The following SFRP2 variants were observed in gnomAD, a reference collection of about 807,000 sequenced individuals.
SFRP2 encodes the protein secreted frizzled related protein 2.
A neutral mutation model predicts 26.0 loss-of-function variants in SFRP2; 16 were observed. The ratio of observed to expected loss-of-function variants is 0.61; its 90% CI spans 0.42 to 0.93. SFRP2 has a LOEUF of 0.93. SFRP2 is among the 40% of genes least tolerant of loss of function. The probability of loss-of-function intolerance (pLI) is 0.00; values close to 1 mark genes in which losing one functional copy is unlikely to be tolerated. For missense variants in SFRP2, 343 were observed against 392.4 expected (o/e 0.87, Z 1.06); for synonymous variants, 173 against 167.3 (o/e 1.03, Z -0.26).
rs759366315 is a variant in SFRP2, at chr4:153,788,379, T to A, written c.457A>T (p.Ile153Phe). The A allele has an allele frequency of 7.4e-6, 12 of 1,613,332 alleles. No individual in the cohort carries two copies. Among genetic ancestry groups the A allele is most frequent in the Non-Finnish European group, 4.2e-6 (5 of 1,179,938 alleles). ...DRFPQDNDLCIPLASSDHLLP... is the reference protein window; with the variant it reads ...DRFPQDNDLCFPLASSDHLLP... ...AGGTGGTCGCTGCTAGCGAGGGGGA[T>A]GCAAAGGTCGTTGTCCTGGGGGAAA... Residue 153 changes from isoleucine (I) to phenylalanine (F), a missense_variant, in exon 1 of 3, where the codon ATC becomes TTC. Ile to Phe is a conservative substitution (Grantham distance 21). This residue lies in a region of SFRP2 where 251 missense variants were observed against 253.3 expected (regional missense o/e 0.99). Coordinates refer to ENST00000274063, the MANE Select transcript of SFRP2 (RefSeq NM_003013.3).
At position 153,785,847 on chromosome 4, in the gene SFRP2, G is replaced by C; in HGVS notation, c.583+17C>G. On this transcript the variant is annotated intron_variant, in intron 2 of 2. Coordinates refer to ENST00000274063, the MANE Select transcript of SFRP2 (RefSeq NM_003013.3). ...ACTTCTGAATGTGAAATCTGTTGTT[G>C]TTGTTGTATTACTTACCAAAATCAT... is the stretch of plus-strand genomic sequence containing the variant. The C allele has an allele frequency of 2.0e-6, 3 of 1,463,710 alleles. No homozygotes were observed. The highest frequency in any genetic ancestry group is 2.5e-5 in the South Asian group (2 of 81,432). 90.7% of individuals were successfully genotyped at this position (1,463,710 alleles called of 1,614,324 possible). A position where few individuals can be genotyped will look rare whatever the true frequency, so the allele number is the denominator to read the frequency against.
At chr4:153,783,136 A>G (rs1259168294) in intron 2 of SFRP2, among the ~76,000 whole-genome samples, 1 of 152,192 alleles carries the variant, frequency 6.6e-6, no homozygotes, top group African/African-American at 2.4e-5. Flanking sequence ...GAACTGTGGT[A>G]CTGAATTCTC....
At position 153,781,146 on chromosome 4, in the gene SFRP2, A is replaced by G. The variant is rs1243313654; in HGVS notation, c.*305T>C. Reference sequence around the variant, plus strand: ...CCAGACCCAAGTCACAGTTGCACCTATTCAAAACTAGCTTTAAAGTGAGCT... The same window carrying G: ...CCAGACCCAAGTCACAGTTGCACCTGTTCAAAACTAGCTTTAAAGTGAGCT... On this transcript the variant is annotated 3_prime_UTR_variant, in exon 3 of 3. Coordinates refer to ENST00000274063, the MANE Select transcript of SFRP2 (RefSeq NM_003013.3). 3 of 340,990 alleles carry G rather than the reference A, an allele frequency of 8.8e-6. No homozygotes were observed. Among genetic ancestry groups the G allele is most frequent in the Non-Finnish European group, 1.6e-5 (3 of 185,184 alleles). The allele number at this position is 340,990 out of a possible 1,614,324, so 21.1% of individuals were successfully genotyped here.
chr4:153,781,811 C>A, intron 2 of SFRP2, 56 bp from the exon 3 acceptor site: 1 of 1,461,548 alleles, frequency 6.8e-7, no homozygotes, highest in Middle Eastern at 1.8e-4. Flanking sequence ...TACAGTATAC[C>A]TCCCCCCATT....
At chr4:153,784,820 A>G (rs1016115819) in intron 2 of SFRP2, among the ~76,000 whole-genome samples, 4 of 152,326 alleles carry the variant, frequency 2.6e-5, no homozygotes, top group South Asian at 4.1e-4. Context: ...ATACTTTTTT[A>G]AAAGGTACCA....
At position 153,788,844 on chromosome 4, in the gene SFRP2, C is replaced by T; in HGVS notation, c.-9G>A. ...CCAGGGCCCTGCAGCATCGTGGGCG[C>T]GCGACCCCGAGGGGGCAGAGGGAGC... On this transcript the variant is annotated 5_prime_UTR_variant, in exon 1 of 3. Transcript: ENST00000274063. 11 of 1,576,420 alleles carry T rather than the reference C, an allele frequency of 7.0e-6. No homozygotes were observed. The highest frequency in any genetic ancestry group is 2.2e-5 in the South Asian group (2 of 89,088).
intron 2 of SFRP2, among the ~76,000 whole-genome samples, chr4:153,782,517 T>G (rs900548201): frequency 6.6e-6 from 1 of 152,178 alleles, no homozygotes; most frequent in African/African-American, 2.4e-5. Flanking sequence ...AAAGGACACG[T>G]TTTATAGTCA....
At chr4:153,787,258 G>A (rs1741225679) in intron 1 of SFRP2, among the ~76,000 whole-genome samples, 1 of 152,116 alleles carries the variant, frequency 6.6e-6, no homozygotes, top group East Asian at 1.9e-4. Flanking sequence ...GGTACATGTT[G>A]GACAAATGTT....
intron 2 of SFRP2, among the ~76,000 whole-genome samples, chr4:153,783,009 G>A (rs1741147685): frequency 6.6e-6 from 1 of 151,232 alleles, no homozygotes; most frequent in African/African-American, 2.4e-5. Context: ...ATATCAGAAT[G>A]GGAATTTGAC....
chr4:153,787,100 G>A (rs752351615), intron 1 of SFRP2, among the ~76,000 whole-genome samples: 12 of 152,094 alleles, frequency 7.9e-5, no homozygotes, highest in South Asian at 2.1e-4. Context: ...TGTAAGATGC[G>A]TAATGTTGCT....
In SFRP2 at chr4:153,788,397, G is replaced by C; in HGVS notation, c.439C>G (p.Gln147Glu). ...PDMLECDRFPQDNDLCIPLAS... is the reference protein window; with the variant it reads ...PDMLECDRFPEDNDLCIPLAS... ...AGGGGGATGCAAAGGTCGTTGTCCT[G>C]GGGGAAACGGTCGCACTCAAGCATG... Residue 147 changes from glutamine (Q) to glutamate (E), a missense_variant, in exon 1 of 3, where the codon CAG becomes GAG. This residue lies in a region of SFRP2 where 251 missense variants were observed against 253.3 expected (regional missense o/e 0.99). Coordinates refer to ENST00000274063, the MANE Select transcript of SFRP2 (RefSeq NM_003013.3). The C allele has an allele frequency of 6.2e-7, 1 of 1,613,826 alleles. No individual in the cohort carries two copies. Among genetic ancestry groups the C allele is most frequent in the Non-Finnish European group, 8.5e-7 (1 of 1,180,036 alleles).
rs74895329 is a variant in SFRP2 at position 153,786,137 on chromosome 4, G to C, written c.503-193C>G. On this transcript the variant is annotated intron_variant, in intron 1 of 2. Coordinates refer to ENST00000274063, the MANE Select transcript of SFRP2 (RefSeq NM_003013.3). ...TTCCCATGCTTCCCAATTTTTTTGG[G>C]GGGGAGGGGTGGTGGGAGCAAAATG... Among the ~76,000 whole-genome samples, 1,260 of 152,236 alleles carry C rather than the reference G, an allele frequency of 8.3e-3. 17 individuals are homozygous for C. The highest frequency in any genetic ancestry group is 0.029 in the African/African-American group (1,189 of 41,518).
chr4:153,788,752 A>G lies in SFRP2; in HGVS notation c.84T>C (p.Phe28=), dbSNP rs1173906496. Residue 28 remains phenylalanine, a synonymous_variant, in exon 1 of 3, where the codon TTT becomes TTC. Coordinates refer to ENST00000274063, the MANE Select transcript of SFRP2 (RefSeq NM_003013.3). ...GCTTGTAGGAGAAGTCGGGCTGGCC[A>G]AAGAGGAAGAGCCCGCGCGCCGAGC... ...CLGSARGLFL[F]GQPDFSYKRS... 6.2e-7 allele frequency: 1 copy of G among 1,612,664 alleles called. No homozygotes were observed. Among genetic ancestry groups the G allele is most frequent in the Non-Finnish European group, 8.5e-7 (1 of 1,180,002 alleles).
chr4:153,785,813 G>T, intron 2 of SFRP2, 51 bp downstream of exon 2: 1 of 1,231,736 alleles, frequency 8.1e-7, no homozygotes, highest in Non-Finnish European at 1.2e-6. Flanking sequence ...AGTTTTACTG[G>T]TAAATAAAAC....
chr4:153,782,323 T>C (rs1741134105), intron 2 of SFRP2, among the ~76,000 whole-genome samples: 2 of 152,250 alleles, frequency 1.3e-5, no homozygotes, highest in Non-Finnish European at 1.5e-5. Flanking sequence ...AGAAACAATA[T>C]GCAAGTCTCT....
At chr4:153,781,852 G>A (rs1021168717) in intron 2 of SFRP2, 97 bp from the exon 3 acceptor site, 8 of 1,084,394 alleles carry the variant, frequency 7.4e-6, no homozygotes, top group East Asian at 4.7e-5. Flanking sequence ...GCCTGGATGA[G>A]GAAAGAGAGG....
intron 1 of SFRP2, among the ~76,000 whole-genome samples, chr4:153,786,891 TTC>T (rs1449976784): frequency 6.6e-6 from 1 of 152,056 alleles, no homozygotes; most frequent in East Asian, 1.9e-4. Flanking sequence ...TATATTGCCC[TTC>T]TCTCATTTAT....
chr4:153,784,396 G>C (rs1197147865), intron 2 of SFRP2, among the ~76,000 whole-genome samples: 1 of 152,214 alleles, frequency 6.6e-6, no homozygotes, highest in East Asian at 1.9e-4. Context: ...TTTGAAAACA[G>C]GCATATGAAA....
chr4:153,783,908 A>G (rs1741159639), intron 2 of SFRP2, among the ~76,000 whole-genome samples: 1 of 152,228 alleles, frequency 6.6e-6, no homozygotes, highest in African/African-American at 2.4e-5. Flanking sequence ...CTTGTGAGGT[A>G]TCTATGCATG....
Sources: allele counts gnomAD v4.1 joint callset (sites outside exome capture counted in the v4.1 genomes callset), GRCh38; gene constraint gnomAD v4.1.1; regional missense constraint gnomAD v4.1.1; transcripts MANE v1.5; gene names NCBI Gene and HGNC (gene_info 2026-07-23, HGNC 2026-07-21).